TCERG1: variants seen among roughly 807,000 people sequenced by gnomAD.
TCERG1 encodes TATA box binding protein (TBP)-associated factor, RNA polymerase II, S, 150kD.
TCERG1 carries 37 observed loss-of-function variants against 144.7 expected under a neutral mutation model. The ratio of observed to expected loss-of-function variants is 0.26; its 90% confidence interval spans 0.20 to 0.34. The LOEUF is 0.34. TCERG1 is among the 10% of genes least tolerant of loss of function. The pLI is 1.00. For synonymous variants in TCERG1, 492 were observed against 458.2 expected, an observed-to-expected ratio of 1.07 and a Z score of -0.94; for missense variants, 1,027 against 1,380.7, an observed-to-expected ratio of 0.74 and a Z score of 4.06.
intron 2 of TCERG1, 123 bp from the exon 3 acceptor site, chr5:146,457,060 G>A (rs1762889259): frequency 7.8e-7 from 1 of 1,276,138 alleles, no homozygotes; most frequent in Non-Finnish European, 1.1e-6. Flanking sequence ...TATGACAGGT[G>A]AATGTGTTTG....
intron 8 of TCERG1, among the ~76,000 whole-genome samples, chr5:146,471,070 T>A (rs1454036473): frequency 1.6e-4 from 24 of 152,234 alleles, no homozygotes; most frequent in Non-Finnish European, 3.5e-4. Context: ...TAGATATATT[T>A]TATCTGTCCT....
At chr5:146,497,909 C>T (rs1767079161) in intron 16 of TCERG1, among the ~76,000 whole-genome samples, 1 of 152,148 alleles carries the variant, frequency 6.6e-6, no homozygotes, top group South Asian at 2.1e-4. Context: ...ACAACTTGGC[C>T]TTAGCTGTGG....
Position 146,457,202 on chromosome 5 carries a change from C to T in TCERG1, c.305C>T (p.Pro102Leu), listed in dbSNP as rs1351285438. ...PHLQRPPFMP[P>L]PMSSMPPPPG... is the part of the protein sequence containing the mutation. ...TAACAGAGACCACCTTTCATGCCTC[C>T]TCCCATGAGTTCCATGCCTCCTCCT... The change falls in exon 3 of 23, where the codon CCT becomes CTT. Residue 102 changes from proline to leucine, a missense_variant. By Grantham distance (98) the Pro-to-Leu change is moderately conservative (BLOSUM62 -3). This residue lies in a region of TCERG1 where 175 missense variants were observed against 197.0 expected (regional missense o/e 0.89). Coordinates refer to ENST00000679501, the MANE Select transcript of TCERG1 (RefSeq NM_001382548.1). 2.5e-6 allele frequency: 4 copies of T among 1,613,726 alleles called. No homozygotes were observed. Among genetic ancestry groups the T allele is most frequent in the Non-Finnish European group, 3.4e-6 (4 of 1,179,836 alleles).
At chr5:146,508,067 T>C (rs1352709097) in intron 21 of TCERG1, 111 bp downstream of exon 21, 11 of 623,548 alleles carry the variant, frequency 1.8e-5, no homozygotes, top group Non-Finnish European at 2.9e-5. Context: ...AGTGAATTAC[T>C]TTTAAGTGTA....
At chr5:146,496,869 G>GTTTTT (rs70998085) in intron 16 of TCERG1, among the ~76,000 whole-genome samples, 3 of 83,314 alleles carry the variant, frequency 3.6e-5, no homozygotes, top group Admixed American at 1.5e-4. Flanking sequence ...CTCACTATGT[G>GTTTTT]TTTTTTTTTT....
Position 146,487,543 on chromosome 5 carries a change from T to G in TCERG1, c.2163+3914T>G, listed in dbSNP as rs557270612. ...AGGAGATCACTTGAGGCCAGGAGTT[T>G]GAGACTGTCATAGTGAGATCTCTCT... is the stretch of plus-strand genomic sequence containing the variant. On this transcript the variant is annotated intron_variant, in intron 15 of 22. Coordinates refer to ENST00000679501, the MANE Select transcript of TCERG1 (RefSeq NM_001382548.1). Among the ~76,000 whole-genome samples the G allele has an allele frequency of 8.8e-4, 134 of 152,128 alleles. 1 individual carries two copies. The highest frequency in any genetic ancestry group is 3.1e-3 in the African/African-American group (130 of 41,514).
chr5:146,504,076 G>A (rs111316456), intron 19 of TCERG1, 70 bp downstream of exon 19: 2 of 1,300,648 alleles, frequency 1.5e-6, no homozygotes, highest in Non-Finnish European at 1.0e-6. Flanking sequence ...TTACTGTTAT[G>A]AATATTTTAA....
intron 2 of TCERG1, 35 bp downstream of exon 2, chr5:146,455,316 C>T (rs1191345197): frequency 3.1e-6 from 5 of 1,607,306 alleles, no homozygotes; most frequent in Non-Finnish European, 4.3e-6. Context: ...TCTTTGTTGG[C>T]ATCATTATCA....
At chr5:146,479,003 A>G (rs1371228060) in intron 10 of TCERG1, among the ~76,000 whole-genome samples, 1 of 152,146 alleles carries the variant, frequency 6.6e-6, no homozygotes, top group African/African-American at 2.4e-5. Context: ...CTAGTAATAT[A>G]TTTCTTGAAA....
chr5:146,510,318 TAAAAAA>T, intron 22 of TCERG1, 117 bp from the exon 23 acceptor site: 6 of 550,758 alleles, frequency 1.1e-5, no homozygotes, highest in Non-Finnish European at 1.7e-5. Flanking sequence ...AAATTTTTCT[TAAAAAA>T]AAAAAAAAAA....
chr5:146,506,614 C>G (rs1452975056), intron 19 of TCERG1, among the ~76,000 whole-genome samples: 1 of 152,204 alleles, frequency 6.6e-6, no homozygotes, highest in African/African-American at 2.4e-5. Context: ...TTTCTGCTGT[C>G]TCTGAAACTT....
At chr5:146,459,406 A>G in intron 4 of TCERG1, 69 bp downstream of exon 4, 1 of 1,546,812 alleles carries the variant, frequency 6.5e-7, no homozygotes, top group Non-Finnish European at 8.7e-7. Context: ...ACTACATTTC[A>G]TATTGATCCC....
chr5:146,459,888 T>C (rs1581398933), intron 4 of TCERG1, among the ~76,000 whole-genome samples: 2 of 152,308 alleles, frequency 1.3e-5, no homozygotes, highest in East Asian at 3.9e-4. Context: ...AAATGATAAA[T>C]GTAGTTTATG....
At chr5:146,469,918 A>T in intron 7 of TCERG1, 174 bp downstream of exon 7, 1 of 470,402 alleles carries the variant, frequency 2.1e-6, no homozygotes, top group Non-Finnish European at 3.5e-6. Flanking sequence ...AACTAGTTCT[A>T]CTTACATGTT....
chr5:146,463,592 G>T lies in TCERG1; in HGVS notation c.934G>T (p.Val312Phe). ...TCAGACCCCAAGTTCTGCTGTTTCAGTTGCCACGCCTACAGTTAGTGTTTC... is the reference window on the plus strand; with the variant it reads ...TCAGACCCCAAGTTCTGCTGTTTCATTTGCCACGCCTACAGTTAGTGTTTC... Reference protein sequence around the residue: ...QDQTPSSAVSVATPTVSVSTP... With the variant: ...QDQTPSSAVSFATPTVSVSTP... The change falls in exon 5 of 23, where the codon GTT becomes TTT. Residue 312 changes from valine to phenylalanine, a missense_variant. Physicochemically the swap from Val to Phe is conservative, Grantham distance 50 (BLOSUM62 -1). Coordinates refer to ENST00000679501, the MANE Select transcript of TCERG1 (RefSeq NM_001382548.1). 6.2e-7 allele frequency: 1 copy of T among 1,614,170 alleles called. No individual in the cohort carries two copies. Among genetic ancestry groups the T allele is most frequent in the Non-Finnish European group, 8.5e-7 (1 of 1,180,032 alleles).
Position 146,469,680 on chromosome 5 carries a change from A to C in TCERG1, c.1335A>C (p.Thr445=), listed in dbSNP as rs1260141092. The change falls in exon 7 of 23, where the codon ACA becomes ACC. Residue 445 remains threonine, a synonymous_variant. Coordinates refer to ENST00000679501, the MANE Select transcript of TCERG1 (RefSeq NM_001382548.1). The part of the protein sequence containing the change: ...WTEYKTADGK[T]YYYNNRTLES... ...AATATAAAACAGCAGATGGGAAGACATATTATTATAATAATAGAACATTAG... is the reference window on the plus strand; with the variant it reads ...AATATAAAACAGCAGATGGGAAGACCTATTATTATAATAATAGAACATTAG... 2 of 1,612,932 alleles carry C rather than the reference A, an allele frequency of 1.2e-6. No individual in the cohort carries two copies. The highest frequency in any genetic ancestry group is 2.2e-5 in the East Asian group (1 of 44,794).
intron 17 of TCERG1, among the ~76,000 whole-genome samples, chr5:146,500,385 A>T (rs1767315440): frequency 8.2e-6 from 1 of 121,902 alleles, no homozygotes; most frequent in Non-Finnish European, 1.7e-5. Flanking sequence ...TACTGTTCTT[A>T]AGTATATTGT....
intron 9 of TCERG1, among the ~76,000 whole-genome samples, chr5:146,476,725 G>A (rs1020201635): frequency 5.2e-4 from 79 of 152,162 alleles, no homozygotes; most frequent in African/African-American, 1.8e-3. Flanking sequence ...ATTAATTTTC[G>A]GACTTGGGGG....
At chr5:146,492,815 A>G (rs1157552644) in intron 15 of TCERG1, 105 bp from the exon 16 acceptor site, 13 of 757,634 alleles carry the variant, frequency 1.7e-5, no homozygotes, top group Non-Finnish European at 2.8e-5. Flanking sequence ...TACAGTTAAT[A>G]TATTTTTCCT....
Sources: allele counts gnomAD v4.1 joint callset (sites outside exome capture counted in the v4.1 genomes callset), GRCh38; gene constraint gnomAD v4.1.1; regional missense constraint gnomAD v4.1.1; transcripts MANE v1.5; gene names NCBI Gene and HGNC (gene_info 2026-07-23, HGNC 2026-07-21).